Variants in TRMT11 observed in about 807,000 individuals in gnomAD.
TRMT11 encodes tRNA methyltransferase 11.
TRMT11 carries 53 observed loss-of-function variants against 62.8 expected under a neutral mutation model. The observed-to-expected ratio is 0.84, with a 90% CI of 0.68 to 1.06. The LOEUF (loss-of-function observed/expected upper bound fraction) is 1.06, where lower values mean the gene tolerates loss of function less well. Among genes scored for constraint, TRMT11 ranks in the 50% least tolerant of loss-of-function variants. TRMT11 has a pLI of 0.00. For missense variants in TRMT11, 556 were observed against 553.4 expected, an observed-to-expected ratio of 1.00 and a Z score of -0.05; for synonymous variants, 188 against 190.3, an observed-to-expected ratio of 0.99 and a Z score of 0.10.
Position 125,993,803 on chromosome 6 carries a change from G to C in TRMT11, c.119G>C (p.Ser40Thr). 1 of 1,609,902 alleles carries C rather than the reference G, an allele frequency of 6.2e-7. No homozygotes were observed. Among genetic ancestry groups the C allele is most frequent in the African/African-American group, 1.3e-5 (1 of 74,912 alleles). Residue 40 changes from serine (S) to threonine (T), a missense_variant, in exon 2 of 13, where the codon AGT becomes ACT. Physicochemically the swap from Ser to Thr is moderately conservative, Grantham distance 58 (BLOSUM62 1). Transcript: ENST00000334379. The part of the protein sequence containing the change: ...LLLFGGQFAS[S>T]QETYGKSPFW... ...CTTTTTGGAGGTCAGTTTGCCAGCAGTCAAGAAACTTATGGAAAGGTAAGT... is the reference window on the plus strand; with the variant it reads ...CTTTTTGGAGGTCAGTTTGCCAGCACTCAAGAAACTTATGGAAAGGTAAGT...
chr6:126,199,915 T>A (rs1454834075), intron 3 of TRMT11: 2 of 152,224 alleles, frequency 1.3e-5, no homozygotes, highest in African/African-American at 4.8e-5. Context: ...TGATCTAACT[T>A]AACATTTTTC....
downstream of TRMT11, among the ~76,000 whole-genome samples, chr6:126,043,640 C>A (rs1243368665): frequency 6.6e-6 from 1 of 152,164 alleles, no homozygotes. Context: ...CTGACTTCTA[C>A]AATGGTTGAA....
At chr6:126,102,076 G>T (rs1474788897) in intron 17 of TRMT11, among the ~76,000 whole-genome samples, 2 of 152,162 alleles carry the variant, frequency 1.3e-5, no homozygotes, top group Non-Finnish European at 2.9e-5. Context: ...GAGAGGGGAT[G>T]GGTGCTCTCT....
chr6:126,001,993 G>C (rs766803381), intron 7 of TRMT11, among the ~76,000 whole-genome samples: 4 of 152,042 alleles, frequency 2.6e-5, no homozygotes, highest in Non-Finnish European at 1.5e-5. Flanking sequence ...TTTGCCCAGT[G>C]AGAGCTCTTT....
At chr6:126,145,982 C>T (rs1337583553) in intron 21 of TRMT11, among the ~76,000 whole-genome samples, 1 of 152,124 alleles carries the variant, frequency 6.6e-6, no homozygotes, top group African/African-American at 2.4e-5. Context: ...TGGCAAATAT[C>T]CCACAGGATT....
At chr6:126,104,644 G>A (rs1777443047) in intron 17 of TRMT11, among the ~76,000 whole-genome samples, 1 of 152,208 alleles carries the variant, frequency 6.6e-6, no homozygotes, top group South Asian at 2.1e-4. Context: ...ATTATTGCAT[G>A]ACATTTAGGT....
chr6:126,157,947 CT>C (rs1374478626), intron 21 of TRMT11, among the ~76,000 whole-genome samples: 1 of 152,062 alleles, frequency 6.6e-6, no homozygotes, highest in East Asian at 1.9e-4. Context: ...AGGCAAAAGC[CT>C]TTGTAACCAA....
At chr6:126,064,311 G>C (rs1485628794) in intron 17 of TRMT11, among the ~76,000 whole-genome samples, 1 of 152,080 alleles carries the variant, frequency 6.6e-6, no homozygotes, top group African/African-American at 2.4e-5. Flanking sequence ...CCGATACCCT[G>C]GATTAAACCA....
At chr6:126,207,951 T>G (rs1486799682), downstream of TRMT11, among the ~76,000 whole-genome samples, 1 of 152,150 alleles carries the variant, frequency 6.6e-6, no homozygotes. Context: ...GTCAGCCCAT[T>G]TAAAACTGAA....
At chr6:126,099,689 G>T (rs574894736) in intron 17 of TRMT11, among the ~76,000 whole-genome samples, 1 of 152,208 alleles carries the variant, frequency 6.6e-6, no homozygotes, top group South Asian at 2.1e-4. Context: ...GGAAGTTGCG[G>T]TGAGCTGAGA....
chr6:126,168,349 T>C (rs1483186908), intron 21 of TRMT11, among the ~76,000 whole-genome samples: 1 of 152,204 alleles, frequency 6.6e-6, no homozygotes, highest in Non-Finnish European at 1.5e-5. Context: ...TTATTTCTGT[T>C]AATGATATGA....
chr6:126,164,340 CTGTT>C (rs1357890404), intron 21 of TRMT11, among the ~76,000 whole-genome samples: 10 of 152,110 alleles, frequency 6.6e-5, no homozygotes, highest in African/African-American at 2.4e-4. Flanking sequence ...GTCTGAGTAA[CTGTT>C]TGTTATGATT....
At chr6:126,237,272 C>T in the TRMT11 span, among the ~76,000 whole-genome samples, 1 of 152,188 alleles carries the variant, frequency 6.6e-6, no homozygotes, top group Non-Finnish European at 1.5e-5. Flanking sequence ...AAGACTCTCT[C>T]TCTAGGATCC....
chr6:126,159,620 A>G (rs769315476), intron 21 of TRMT11, among the ~76,000 whole-genome samples: 1 of 152,158 alleles, frequency 6.6e-6, no homozygotes, highest in African/African-American at 2.4e-5. Flanking sequence ...TTAGTTTCCT[A>G]TGTCTGCCAT....
intron 17 of TRMT11, among the ~76,000 whole-genome samples, chr6:126,096,627 G>T (rs894984145): frequency 3.3e-5 from 5 of 151,748 alleles, no homozygotes; most frequent in Non-Finnish European, 7.4e-5. Context: ...GGTACTGATT[G>T]CAGTCTTGTC....
At chr6:126,192,875 T>C (rs1351370638) in intron 1 of TRMT11, among the ~76,000 whole-genome samples, 1 of 152,226 alleles carries the variant, frequency 6.6e-6, no homozygotes, top group African/African-American at 2.4e-5. Context: ...ATCAGGTATA[T>C]TGGCGTATAG....
the TRMT11 span, among the ~76,000 whole-genome samples, chr6:126,234,896 G>A: frequency 1.3e-5 from 2 of 152,156 alleles, no homozygotes; most frequent in Non-Finnish European, 2.9e-5. Flanking sequence ...TTTACTCTAT[G>A]TAATATGGGC....
intron 17 of TRMT11, among the ~76,000 whole-genome samples, chr6:126,096,266 G>A (rs1777338815): frequency 6.6e-6 from 1 of 152,174 alleles, no homozygotes; most frequent in African/African-American, 2.4e-5. Context: ...TGGTGCTCTA[G>A]TTTATCATTC....
At chr6:126,248,103 A>T in the TRMT11 span, among the ~76,000 whole-genome samples, 3 of 152,064 alleles carry the variant, frequency 2.0e-5, no homozygotes, top group Non-Finnish European at 4.4e-5. Flanking sequence ...GCCCAGCCAA[A>T]CTCTAAAGCA....
Sources: allele counts gnomAD v4.1 joint callset (sites outside exome capture counted in the v4.1 genomes callset), GRCh38; gene constraint gnomAD v4.1.1; transcripts MANE v1.5; gene names NCBI Gene and HGNC (gene_info 2026-07-23, HGNC 2026-07-21).